The following CTIF variants were observed in gnomAD, a reference collection of about 807,000 sequenced individuals.
The protein encoded by CTIF is CBP80/20-dependent translation initiation factor.
Under a neutral mutation model 66.0 loss-of-function variants are expected in CTIF, and 21 were observed. That is an observed-to-expected ratio of 0.32 (90% CI 0.23 to 0.46). CTIF has a LOEUF of 0.46. Ranked by LOEUF, CTIF falls within the 20% of genes least tolerant of loss-of-function variation. The pLI is 1.00. For missense variants in CTIF, 739 were observed against 812.7 expected (o/e 0.91, Z 1.10); for synonymous variants, 345 against 326.4 (o/e 1.06, Z -0.62).
chr18:48,787,804 C>T (rs1336943308), intron 9 of CTIF, among the ~76,000 whole-genome samples: 1 of 152,208 alleles, frequency 6.6e-6, no homozygotes, highest in Non-Finnish European at 1.5e-5. Flanking sequence ...GCCCCTGCGC[C>T]AACTCCTGCC....
intron 3 of CTIF, among the ~76,000 whole-genome samples, chr18:48,663,075 G>A (rs575699083): frequency 5.3e-5 from 8 of 152,324 alleles, no homozygotes; most frequent in Non-Finnish European, 1.2e-4. Context: ...GGTGGATGTG[G>A]AAGTATTGTT....
chr18:48,761,305 G>A lies in CTIF; in HGVS notation c.1072-85G>A, dbSNP rs1908958788. The A allele has an allele frequency of 2.2e-6, 3 of 1,357,008 alleles. No homozygotes were observed. The highest frequency in any genetic ancestry group is 1.4e-5 in the African/African-American group (1 of 69,510). The allele number at this position is 1,357,008 out of a possible 1,614,324, so 84.1% of individuals were successfully genotyped here. Reference sequence around the variant, plus strand: ...GTAGGCCTGGTCCTGCTTTCTGGGGGTGGCCACCCTCTTTCCACCAGGCCA... The same window carrying A: ...GTAGGCCTGGTCCTGCTTTCTGGGGATGGCCACCCTCTTTCCACCAGGCCA... On this transcript the variant is annotated intron_variant, in intron 8 of 11. Coordinates refer to ENST00000256413, the MANE Select transcript of CTIF (RefSeq NM_014772.3). The surrounding 1 kb of genome is among the most constrained non-coding windows in gnomAD (Gnocchi z 4.2).
At chr18:48,801,737 A>T (rs970676739) in intron 9 of CTIF, among the ~76,000 whole-genome samples, 5 of 152,232 alleles carry the variant, frequency 3.3e-5, no homozygotes, top group African/African-American at 9.6e-5. Context: ...GGGTTTCAAA[A>T]GTCATTTCTT....
intron 7 of CTIF, among the ~76,000 whole-genome samples, chr18:48,718,393 A>G (rs1681870315): frequency 6.6e-6 from 1 of 152,218 alleles, no homozygotes; most frequent in Admixed American, 6.5e-5. Flanking sequence ...GAGGCCAAGA[A>G]GTCCCACAGT....
At chr18:48,721,148 C>A (rs1054834204) in intron 7 of CTIF, among the ~76,000 whole-genome samples, 5 of 152,188 alleles carry the variant, frequency 3.3e-5, no homozygotes, top group African/African-American at 4.8e-5. Flanking sequence ...TTTTCCCCAG[C>A]AATTAGAATT....
chr18:48,823,180 G>C (rs961880447), intron 10 of CTIF, among the ~76,000 whole-genome samples: 2 of 151,482 alleles, frequency 1.3e-5, no homozygotes, highest in African/African-American at 4.9e-5. Context: ...AATCCTACTT[G>C]TCTATTTTTG....
intron 9 of CTIF, among the ~76,000 whole-genome samples, chr18:48,772,577 C>T (rs530496573): frequency 6.6e-6 from 1 of 151,526 alleles, no homozygotes; most frequent in East Asian, 1.9e-4. Flanking sequence ...AAATAGCACA[C>T]ATGGGATATC....
intron 7 of CTIF, among the ~76,000 whole-genome samples, chr18:48,739,464 G>A (rs926213635): frequency 3.9e-5 from 6 of 152,188 alleles, no homozygotes; most frequent in Non-Finnish European, 8.8e-5. Flanking sequence ...GTGGTGGGAC[G>A]CGCCACAGTA....
intron 10 of CTIF, among the ~76,000 whole-genome samples, chr18:48,845,453 C>T (rs541982043): frequency 4.6e-5 from 7 of 152,176 alleles, no homozygotes; most frequent in Non-Finnish European, 8.8e-5. Context: ...GCCCTCATGA[C>T]GCCATTTCCT....
At chr18:48,570,742 G>C (rs1280397377) in intron 1 of CTIF, among the ~76,000 whole-genome samples, 1 of 152,186 alleles carries the variant, frequency 6.6e-6, no homozygotes, top group Non-Finnish European at 1.5e-5. Context: ...ATATGCAGAG[G>C]CCTGGAGGTG....
At chr18:48,589,029 C>G (rs1310634029) in intron 1 of CTIF, among the ~76,000 whole-genome samples, 2 of 152,164 alleles carry the variant, frequency 1.3e-5, no homozygotes, top group Non-Finnish European at 2.9e-5. Context: ...CATGTCGGAG[C>G]AAATCCAGCC....
Position 48,619,587 on chromosome 18 carries a change from T to C in CTIF, c.22T>C (p.Ser8Pro), listed in dbSNP as rs776764770. The change falls in exon 2 of 12, where the codon TCA becomes CCA. Residue 8 changes from serine (S) to proline (P), a missense_variant. This residue lies in a region of CTIF where 529 missense variants were observed against 520.3 expected (regional missense o/e 1.02). Coordinates refer to ENST00000256413, the MANE Select transcript of CTIF (RefSeq NM_014772.3). MENSSAA[S>P]ASSEAGSSRS... Reference sequence around the variant, plus strand: ...AGGGATGGAAAACTCCTCTGCAGCATCAGCCTCCTCGGAGGCAGGGAGCAG... The same window carrying C: ...AGGGATGGAAAACTCCTCTGCAGCACCAGCCTCCTCGGAGGCAGGGAGCAG... The C allele has an allele frequency of 8.2e-6, 13 of 1,586,514 alleles. No individual in the cohort carries two copies. Among genetic ancestry groups the C allele is most frequent in the Non-Finnish European group, 1.1e-5 (13 of 1,166,814 alleles).
intron 9 of CTIF, among the ~76,000 whole-genome samples, chr18:48,798,934 C>G (rs948191858): frequency 6.6e-6 from 1 of 152,096 alleles, no homozygotes; most frequent in Non-Finnish European, 1.5e-5. Flanking sequence ...ATGAGCCGAC[C>G]GAAAATGTCA....
At chr18:48,588,289 C>T (rs2089815098) in intron 1 of CTIF, among the ~76,000 whole-genome samples, 1 of 152,222 alleles carries the variant, frequency 6.6e-6, no homozygotes, top group Non-Finnish European at 1.5e-5. Context: ...CCCCAGAACC[C>T]ATTCTCTGTG....
At chr18:48,562,492 A>T (rs1396385171) in intron 1 of CTIF, among the ~76,000 whole-genome samples, 1 of 152,130 alleles carries the variant, frequency 6.6e-6, no homozygotes, top group Non-Finnish European at 1.5e-5. Context: ...CATGGTCAGC[A>T]TCTCCCCCTT....
intron 6 of CTIF, among the ~76,000 whole-genome samples, chr18:48,705,812 C>A (rs993661053): frequency 6.6e-6 from 1 of 152,270 alleles, no homozygotes; most frequent in African/African-American, 2.4e-5. Context: ...CTCCACTCAA[C>A]TATCACCCAC....
intron 10 of CTIF, among the ~76,000 whole-genome samples, chr18:48,847,821 G>C (rs915918618): frequency 6.6e-6 from 1 of 152,188 alleles, no homozygotes; most frequent in African/African-American, 2.4e-5. Flanking sequence ...CAGGTCTTCT[G>C]ACTCCAAGCC....
intron 1 of CTIF, among the ~76,000 whole-genome samples, chr18:48,616,640 T>A (rs1208501485): frequency 6.6e-6 from 1 of 152,148 alleles, no homozygotes; most frequent in African/African-American, 2.4e-5. Flanking sequence ...GCTGCGAAGG[T>A]GAAGTGAGTG....
At chr18:48,628,418 T>C (rs2144536545) in intron 2 of CTIF, among the ~76,000 whole-genome samples, 1 of 152,288 alleles carries the variant, frequency 6.6e-6, no homozygotes, top group South Asian at 2.1e-4. Context: ...GGAGACTGTT[T>C]GCATTGTTTC....
Sources: allele counts gnomAD v4.1 joint callset (sites outside exome capture counted in the v4.1 genomes callset), GRCh38; gene constraint gnomAD v4.1.1; regional missense constraint gnomAD v4.1.1; non-coding constraint Gnocchi (gnomAD v3.1); transcripts MANE v1.5; gene names NCBI Gene and HGNC (gene_info 2026-07-23, HGNC 2026-07-21).